Variants in LIMS2 observed in about 807,000 individuals in gnomAD.
The protein encoded by LIMS2 is LIM and senescent cell antigen-like-containing domain protein 2.
LIMS2 carries 30 observed loss-of-function variants against 45.3 expected under a neutral mutation model. The observed-to-expected ratio is 0.66, with a 90% CI of 0.50 to 0.90. LIMS2 has a LOEUF of 0.90. LIMS2 is among the 40% of genes least tolerant of loss of function. The probability of loss-of-function intolerance (pLI) is 0.00; values close to 1 mark genes in which losing one functional copy is unlikely to be tolerated. For missense variants in LIMS2, 485 were observed against 468.7 expected (o/e 1.03, Z -0.32); for synonymous variants, 173 against 188.0 (o/e 0.92, Z 0.65).
intron 1 of LIMS2, among the ~76,000 whole-genome samples, chr2:127,662,837 G>C (rs1684766025): frequency 6.6e-6 from 1 of 152,214 alleles, no homozygotes; most frequent in African/African-American, 2.4e-5. Context: ...TGCCTGGGCT[G>C]CTATACACAA....
intron 1 of LIMS2, among the ~76,000 whole-genome samples, chr2:127,681,134 C>T (rs1356771243): frequency 5.3e-5 from 8 of 152,222 alleles, no homozygotes; most frequent in Non-Finnish European, 1.2e-4. Flanking sequence ...CGTGCGGCCA[C>T]AGTGGGCTGA....
chr2:127,640,225 C>T, intron 8 of LIMS2, 45 bp downstream of exon 8: 1 of 1,612,762 alleles, frequency 6.2e-7, no homozygotes, highest in Non-Finnish European at 8.5e-7. Flanking sequence ...AGCACCCAGG[C>T]CCCAGGAGAG....
At position 127,640,990 on chromosome 2, in the gene LIMS2, T is replaced by G. The variant is rs766965539; in HGVS notation, c.661-2A>C. The G allele has an allele frequency of 1.2e-6, 2 of 1,613,518 alleles. No individual in the cohort carries two copies. Among genetic ancestry groups the G allele is most frequent in the Non-Finnish European group, 1.7e-6 (2 of 1,179,748 alleles). ...CTCACACTTGGCACAGACAAAGTGCTGCAAGGACAAAGGGCGGGCCGGGTG... is the reference window on the plus strand; with the variant it reads ...CTCACACTTGGCACAGACAAAGTGCGGCAAGGACAAAGGGCGGGCCGGGTG... On this transcript the variant is annotated splice_acceptor_variant, in intron 6 of 9. Transcript: ENST00000355119. LOFTEE classifies it high-confidence loss of function.
At chr2:127,659,887 G>GCTGA (rs1441968019) in intron 1 of LIMS2, among the ~76,000 whole-genome samples, 2 of 152,170 alleles carry the variant, frequency 1.3e-5, no homozygotes, top group Non-Finnish European at 2.9e-5. Flanking sequence ...TTCCAGCTGT[G>GCTGA]CTGACCCTAC....
chr2:127,654,774 C>T (rs746037222), intron 3 of LIMS2, 56 bp downstream of exon 3: 13 of 1,583,314 alleles, frequency 8.2e-6, no homozygotes, highest in Non-Finnish European at 1.0e-5. Flanking sequence ...CCCTGCCCCC[C>T]GCCACTGCTG....
Position 127,664,487 on chromosome 2 carries a change from A to G in LIMS2, c.12-6925T>C. On this transcript the variant is annotated intron_variant, in intron 1 of 9. Transcript: ENST00000355119. The surrounding 1 kb of genome is among the most constrained non-coding windows in gnomAD (Gnocchi z 5.5). ...GAGGCGCGGCCGCCTGGGGCCAGAC[A>G]CCAAGACGGGACGGGCGTGTGGGCG... 8.5e-7 allele frequency: 1 copy of G among 1,170,086 alleles called. No individual in the cohort carries two copies. The highest frequency in any genetic ancestry group is 1.1e-6 in the Non-Finnish European group (1 of 948,548). 72.5% of individuals were successfully genotyped at this position (1,170,086 alleles called of 1,614,324 possible). A position where few individuals can be genotyped will look rare whatever the true frequency, so the allele number is the denominator to read the frequency against.
intron 1 of LIMS2, among the ~76,000 whole-genome samples, chr2:127,666,238 C>T (rs949059207): frequency 1.3e-5 from 2 of 151,768 alleles, no homozygotes; most frequent in African/African-American, 4.8e-5. Context: ...GAGTAAGGAC[C>T]TCCAGAAGTT....
chr2:127,670,274 G>A (rs1200915054), intron 1 of LIMS2, among the ~76,000 whole-genome samples: 4 of 152,090 alleles, frequency 2.6e-5, no homozygotes, highest in African/African-American at 9.7e-5. Context: ...ATGGCACAAT[G>A]GAATATTATT....
intron 1 of LIMS2, among the ~76,000 whole-genome samples, chr2:127,663,036 A>G (rs887513862): frequency 6.6e-6 from 1 of 152,262 alleles, no homozygotes; most frequent in African/African-American, 2.4e-5. Context: ...AAAGAAAAAC[A>G]GTGTGAATAG....
At chr2:127,652,091 C>T (rs1332078856) in intron 4 of LIMS2, 1 of 335,464 alleles carries the variant, frequency 3.0e-6, no homozygotes, top group Non-Finnish European at 5.8e-6. Flanking sequence ...CTTCCCGCTA[C>T]AGAATCGCTC....
chr2:127,643,145 G>A, intron 4 of LIMS2, 73 bp from the exon 5 acceptor site: 4 of 1,476,662 alleles, frequency 2.7e-6, no homozygotes, highest in Non-Finnish European at 3.6e-6. Context: ...GAGAAGAGAG[G>A]CCAGACCCCT....
intron 1 of LIMS2, among the ~76,000 whole-genome samples, chr2:127,669,869 G>C (rs556244542): frequency 9.2e-4 from 140 of 152,128 alleles, no homozygotes; most frequent in Non-Finnish European, 1.7e-3. Flanking sequence ...ATTTACAAGT[G>C]GCCAACAGAT....
chr2:127,673,257 G>A (rs188701340), intron 1 of LIMS2, among the ~76,000 whole-genome samples: 6 of 152,342 alleles, frequency 3.9e-5, no homozygotes, highest in Admixed American at 2.0e-4. Context: ...GGAGGCTCTT[G>A]GGAGTGGAAC....
At chr2:127,674,909 G>T (rs1382980538) in intron 1 of LIMS2, 105 bp downstream of exon 1, 2 of 1,219,760 alleles carry the variant, frequency 1.6e-6, no homozygotes, top group East Asian at 6.5e-5. Flanking sequence ...CCAGGGCGGA[G>T]CGGGGATCGT....
intron 6 of LIMS2, chr2:127,641,274 A>C: frequency 3.3e-6 from 1 of 300,050 alleles, no homozygotes; most frequent in African/African-American, 2.2e-5. Context: ...GTGAGTCACC[A>C]TCCCCTCCCA....
rs1685301076 is a variant in LIMS2 at position 127,672,255 on chromosome 2, GTCCCTTC to G, written c.11+2752_11+2758del. Among the ~76,000 whole-genome samples, 1 of 152,162 alleles carries G rather than the reference GTCCCTTC, an allele frequency of 6.6e-6. No individual in the cohort carries two copies. Among genetic ancestry groups the G allele is most frequent in the African/African-American group, 2.4e-5 (1 of 41,432 alleles). ...CTGTAGAACAATGGTGATGCCAGAG[GTCCCTTC>G]AGCTGTGATAGTCAAAGATCTTGTG... On this transcript the variant is annotated intron_variant, in intron 1 of 9. Transcript: ENST00000355119. This position sits in a 1 kb window ranked among gnomAD's most constrained non-coding sequence, Gnocchi z 4.9.
chr2:127,652,041 A>C, intron 4 of LIMS2: 1 of 458,718 alleles, frequency 2.2e-6, no homozygotes. Context: ...ACAACCCCTG[A>C]ACAATGGAGG....
chr2:127,642,839 C>T lies in LIMS2; in HGVS notation c.509+84G>A. The T allele has an allele frequency of 6.9e-7, 1 of 1,439,160 alleles. No homozygotes were observed. The allele number at this position is 1,439,160 out of a possible 1,614,324, so 89.1% of individuals were successfully genotyped here. A position where few individuals can be genotyped will look rare whatever the true frequency, so the allele number is the denominator to read the frequency against. On this transcript the variant is annotated intron_variant, in intron 5 of 9. Coordinates refer to ENST00000355119, the MANE Select transcript of LIMS2 (RefSeq NM_001161403.3). The surrounding 1 kb of genome is among the most constrained non-coding windows in gnomAD (Gnocchi z 5.3). ...CTCCCCTCTCCCTCCTCAACACTTC[C>T]CCAGGTGGAGGCCCCACCGCCCTTA...
chr2:127,673,868 C>T (rs186721547), intron 1 of LIMS2: 12 of 791,324 alleles, frequency 1.5e-5, no homozygotes, highest in Admixed American at 8.2e-5. Context: ...TGCCACTCTC[C>T]GGGGGATGAG....
Sources: allele counts gnomAD v4.1 joint callset (sites outside exome capture counted in the v4.1 genomes callset), GRCh38; gene constraint gnomAD v4.1.1; non-coding constraint Gnocchi (gnomAD v3.1); transcripts MANE v1.5; gene names NCBI Gene and HGNC (gene_info 2026-07-23, HGNC 2026-07-21).